GRIP1: variants seen among roughly 807,000 people sequenced by gnomAD.
GRIP1 encodes the protein glutamate receptor-interacting protein 1.
A neutral mutation model predicts 129.9 loss-of-function variants in GRIP1; 45 were observed. The ratio of observed to expected loss-of-function variants is 0.35; its 90% CI spans 0.27 to 0.44. GRIP1 has a LOEUF of 0.44. Among genes scored for constraint, GRIP1 ranks in the 20% least tolerant of loss-of-function variants. The pLI is 1.00. For missense variants in GRIP1, 1,196 were observed against 1,396.8 expected, an observed-to-expected ratio of 0.86 and a Z score of 2.29; for synonymous variants, 530 against 520.8, an observed-to-expected ratio of 1.02 and a Z score of -0.24.
At chr12:67,010,039 C>T (rs2042681851) in intron 1 of GRIP1, among the ~76,000 whole-genome samples, 2 of 152,100 alleles carry the variant, frequency 1.3e-5, no homozygotes, top group South Asian at 4.1e-4. Context: ...GAGGGTGTTT[C>T]TTAATGATTT....
At chr12:67,011,570 G>A (rs934437457) in intron 1 of GRIP1, among the ~76,000 whole-genome samples, 3 of 151,158 alleles carry the variant, frequency 2.0e-5, no homozygotes, top group Non-Finnish European at 2.9e-5. Context: ...TTCCATGCAG[G>A]TCATCCCTCT....
intron 14 of GRIP1, among the ~76,000 whole-genome samples, chr12:66,428,023 T>C (rs1432525866): frequency 6.6e-6 from 1 of 152,180 alleles, no homozygotes; most frequent in East Asian, 1.9e-4. Context: ...TCTTAAGCAT[T>C]AGTTGCCCAA....
chr12:66,685,109 A>T (rs936644356), intron 1 of GRIP1, among the ~76,000 whole-genome samples: 2 of 152,032 alleles, frequency 1.3e-5, no homozygotes, highest in Non-Finnish European at 2.9e-5. Flanking sequence ...AGACCTTCAC[A>T]GTTACTGTGC....
intron 1 of GRIP1, among the ~76,000 whole-genome samples, chr12:66,613,879 A>G (rs182699325): frequency 3.7e-4 from 57 of 152,336 alleles, no homozygotes; most frequent in African/African-American, 1.3e-3. Context: ...AGTATTAGGT[A>G]CCATCCACTT....
In GRIP1 at chr12:66,939,027, G is replaced by GA. The variant is rs200072088; in HGVS notation, c.58+130022_58+130023insT. ...GGTAAAGCGGCTGGAGGAAAAAGGGGGTATAGTTGAGGTATCAGAGGCAAG... is the reference window on the plus strand; with the variant it reads ...GGTAAAGCGGCTGGAGGAAAAAGGGGAGTATAGTTGAGGTATCAGAGGCAAG... On this transcript the variant is annotated intron_variant, in intron 1 of 1. Coordinates refer to the GRIP1 transcript ENST00000643019. Among the ~76,000 whole-genome samples, 84 of 92,806 alleles carry GA rather than the reference G, an allele frequency of 9.1e-4. No individual in the cohort carries two copies. The South Asian group carries it at 0.029, about 32-fold the overall frequency. The allele number at this position is 92,806 out of a possible 152,430, so 60.9% of individuals were successfully genotyped here.
chr12:66,776,580 T>C (rs1405866958), intron 1 of GRIP1, among the ~76,000 whole-genome samples: 1 of 152,180 alleles, frequency 6.6e-6, no homozygotes, highest in Non-Finnish European at 1.5e-5. Context: ...AAGAAGCTTA[T>C]AATAAAGAGT....
At chr12:66,437,713 G>A (rs2058352789) in intron 13 of GRIP1, among the ~76,000 whole-genome samples, 1 of 152,200 alleles carries the variant, frequency 6.6e-6, no homozygotes, top group African/African-American at 2.4e-5. Flanking sequence ...ACTAAATTGT[G>A]CTGGTAATTT....
chr12:66,811,394 A>C (rs2039100220), intron 1 of GRIP1, among the ~76,000 whole-genome samples: 1 of 152,240 alleles, frequency 6.6e-6, no homozygotes, highest in Non-Finnish European at 1.5e-5. Context: ...GAGTTGGACT[A>C]GAAAGTCTCT....
Position 66,679,039 on chromosome 12 carries a change from T to A in GRIP1, c.-135A>T. ...CCAGTGGGGAGTGACAAAGCTTAAT[T>A]CCTCTTGGCTGATGCAGAGGTCCGC... On this transcript the variant is annotated 5_prime_UTR_variant, in exon 1 of 25. Transcript: ENST00000359742. The A allele has an allele frequency of 6.5e-7, 1 of 1,549,282 alleles. No homozygotes were observed. The highest frequency in any genetic ancestry group is 1.2e-5 in the South Asian group (1 of 84,768).
chr12:66,529,251 A>T (rs2061365754), intron 5 of GRIP1, among the ~76,000 whole-genome samples: 1 of 152,244 alleles, frequency 6.6e-6, no homozygotes, highest in African/African-American at 2.4e-5. Context: ...AAGAACAAAA[A>T]GTAGAACTAT....
At chr12:66,755,606 C>G (rs2037263347) in intron 1 of GRIP1, among the ~76,000 whole-genome samples, 1 of 152,218 alleles carries the variant, frequency 6.6e-6, no homozygotes, top group African/African-American at 2.4e-5. Flanking sequence ...CCAGCGTCAC[C>G]TGCTCTGGGA....
intron 1 of GRIP1, among the ~76,000 whole-genome samples, chr12:67,026,555 C>T (rs765560358): frequency 1.3e-5 from 2 of 152,200 alleles, no homozygotes; most frequent in Non-Finnish European, 2.9e-5. Flanking sequence ...AATGTTAGCT[C>T]CTGTCATTAT....
intron 1 of GRIP1, among the ~76,000 whole-genome samples, chr12:66,840,302 G>A (rs139966940): frequency 1.3e-3 from 203 of 152,256 alleles, no homozygotes; most frequent in African/African-American, 4.6e-3. Flanking sequence ...AAGCAGTGGA[G>A]GTTATTCTTA....
At chr12:66,377,457 A>T (rs1349901958) in intron 20 of GRIP1, among the ~76,000 whole-genome samples, 172 bp from the exon 21 acceptor site, 1 of 149,934 alleles carries the variant, frequency 6.7e-6, no homozygotes, top group Non-Finnish European at 1.5e-5. Flanking sequence ...CCTCCCGAGT[A>T]GCTGGGACTA....
chr12:66,807,336 T>C (rs2039012633), upstream of GRIP1, among the ~76,000 whole-genome samples: 1 of 152,128 alleles, frequency 6.6e-6, no homozygotes, highest in African/African-American at 2.4e-5. Context: ...GGTACTATTC[T>C]CTCAGCAGTG....
chr12:66,749,329 A>G (rs1347591262), intron 1 of GRIP1, among the ~76,000 whole-genome samples: 1 of 152,160 alleles, frequency 6.6e-6, no homozygotes, highest in African/African-American at 2.4e-5. Context: ...TTGTTTACTC[A>G]GTGTAATTTG....
intron 1 of GRIP1, among the ~76,000 whole-genome samples, chr12:66,641,424 C>T (rs970911525): frequency 6.6e-6 from 1 of 152,152 alleles, no homozygotes. Context: ...TGAACACATT[C>T]TTATTTAGTT....
intron 1 of GRIP1, among the ~76,000 whole-genome samples, chr12:66,670,082 G>A (rs1420894294): frequency 6.6e-6 from 1 of 152,066 alleles, no homozygotes; most frequent in Admixed American, 6.6e-5. Context: ...TACAAATGAG[G>A]GTGAACTCCT....
chr12:66,673,596 C>T (rs1157395592), intron 1 of GRIP1, among the ~76,000 whole-genome samples: 5 of 152,176 alleles, frequency 3.3e-5, no homozygotes, highest in Non-Finnish European at 7.3e-5. Flanking sequence ...GAAATAAATG[C>T]GCCATTATGA....
Sources: gnomAD v4.1 joint callset for allele counts (sites outside exome capture counted in the v4.1 genomes callset) on GRCh38, gnomAD v4.1.1 for gene constraint, MANE v1.5 for transcripts, NCBI Gene and HGNC (gene_info 2026-07-23, HGNC 2026-07-21) for gene names.